RAP1GDS1: variants seen among roughly 807,000 people sequenced by gnomAD.
RAP1GDS1 encodes the protein Rap1 GTPase-GDP dissociation stimulator 1.
RAP1GDS1 carries 35 observed loss-of-function variants against 71.1 expected under a neutral mutation model. The observed-to-expected ratio is 0.49, with a 90% confidence interval of 0.38 to 0.65. The LOEUF (loss-of-function observed/expected upper bound fraction) is 0.65, where lower values mean the gene tolerates loss of function less well. Among genes scored for constraint, RAP1GDS1 ranks in the 30% least tolerant of loss-of-function variants. RAP1GDS1 has a pLI of 0.00. For missense variants in RAP1GDS1, 663 were observed against 706.1 expected, an observed-to-expected ratio of 0.94 and a Z score of 0.69; for synonymous variants, 229 against 243.1, an observed-to-expected ratio of 0.94 and a Z score of 0.54.
Position 98,363,988 on chromosome 4 carries a change from T to C in RAP1GDS1, c.361+11387T>C, listed in dbSNP as rs182467461. 1.9e-3 allele frequency among the ~76,000 whole-genome samples: 293 copies of C among 152,232 alleles called. 1 individual carries two copies. The highest frequency in any genetic ancestry group is 3.2e-3 in the Non-Finnish European group (215 of 68,014). ...GACAGAAGATGGGGCAATTTGCCGA[T>C]GTAGGAAAGAACAGAGGTTGTTTTT... On this transcript the variant is annotated intron_variant, in intron 4 of 14. Coordinates refer to ENST00000408927, the MANE Select transcript of RAP1GDS1 (RefSeq NM_001100427.2).
At chr4:98,429,182 C>T (rs1311420094) in intron 12 of RAP1GDS1, among the ~76,000 whole-genome samples, 1 of 150,282 alleles carries the variant, frequency 6.7e-6, no homozygotes, top group Non-Finnish European at 1.5e-5. Flanking sequence ...GGCGTGAACC[C>T]GGGAGGTGGA....
chr4:98,282,139 G>A (rs1358693494), intron 1 of RAP1GDS1, among the ~76,000 whole-genome samples: 1 of 152,138 alleles, frequency 6.6e-6, no homozygotes, highest in Non-Finnish European at 1.5e-5. Flanking sequence ...GAGTTAGGGA[G>A]GATTCCCTCT....
chr4:98,378,608 A>T (rs978103685), intron 4 of RAP1GDS1, among the ~76,000 whole-genome samples: 2 of 151,808 alleles, frequency 1.3e-5, no homozygotes, highest in African/African-American at 2.4e-5. Flanking sequence ...CAATGACAAA[A>T]AGTTATATTT....
intron 2 of RAP1GDS1, among the ~76,000 whole-genome samples, chr4:98,302,977 C>G (rs57192422): frequency 6.6e-6 from 1 of 150,906 alleles, no homozygotes; most frequent in Admixed American, 6.6e-5. Flanking sequence ...GCCCGGGAGA[C>G]GGAGGTTGCA....
intron 5 of RAP1GDS1, among the ~76,000 whole-genome samples, chr4:98,386,319 T>G (rs999141731): frequency 1.3e-5 from 2 of 151,932 alleles, no homozygotes; most frequent in Admixed American, 6.6e-5. Context: ...ATATTTTTAC[T>G]ATCTGTTGAT....
At chr4:98,415,936 A>G (rs904945879) in intron 7 of RAP1GDS1, among the ~76,000 whole-genome samples, 10 of 152,202 alleles carry the variant, frequency 6.6e-5, no homozygotes, top group Non-Finnish European at 2.9e-5. Flanking sequence ...TAATTTTTAT[A>G]GACAGGGTCT....
At chr4:98,433,906 T>G (rs1750800110) in intron 12 of RAP1GDS1, 30 bp from the exon 13 acceptor site, 1 of 1,569,894 alleles carries the variant, frequency 6.4e-7, no homozygotes. Context: ...AAAATTAAAG[T>G]CTATAATTCT....
intron 2 of RAP1GDS1, among the ~76,000 whole-genome samples, chr4:98,319,174 G>A (rs927736865): frequency 1.3e-5 from 2 of 152,146 alleles, no homozygotes; most frequent in Non-Finnish European, 2.9e-5. Flanking sequence ...CAGAGTCTGT[G>A]TCTTGTTAGC....
At chr4:98,431,367 C>A (rs1293535200) in intron 12 of RAP1GDS1, among the ~76,000 whole-genome samples, 1 of 152,200 alleles carries the variant, frequency 6.6e-6, no homozygotes, top group East Asian at 1.9e-4. Context: ...TTGTGATCAA[C>A]ATGATACAGT....
chr4:98,293,564 G>C, intron 2 of RAP1GDS1, 49 bp downstream of exon 2: 1 of 1,388,914 alleles, frequency 7.2e-7, no homozygotes, highest in Non-Finnish European at 1.0e-6. Flanking sequence ...AATCAAATCA[G>C]TAGTCATTCA....
chr4:98,289,207 G>T (rs140116266), intron 1 of RAP1GDS1, among the ~76,000 whole-genome samples: 1 of 151,932 alleles, frequency 6.6e-6, no homozygotes, highest in Non-Finnish European at 1.5e-5. Context: ...TAACATTAAA[G>T]AATCTATATA....
At chr4:98,296,716 C>G (rs1455880500) in intron 2 of RAP1GDS1, among the ~76,000 whole-genome samples, 2 of 152,054 alleles carry the variant, frequency 1.3e-5, no homozygotes, top group African/African-American at 4.8e-5. Context: ...TATGGTTACT[C>G]TATTTTATGG....
chr4:98,415,588 T>C (rs1747829820), intron 7 of RAP1GDS1, among the ~76,000 whole-genome samples: 1 of 152,134 alleles, frequency 6.6e-6, no homozygotes, highest in Non-Finnish European at 1.5e-5. Flanking sequence ...TGGAGGCAAA[T>C]ATAAGCTCTT....
intron 4 of RAP1GDS1, among the ~76,000 whole-genome samples, chr4:98,376,976 T>G (rs1440992309): frequency 1.3e-5 from 2 of 151,974 alleles, no homozygotes; most frequent in Non-Finnish European, 2.9e-5. Flanking sequence ...ATTTATTGAA[T>G]TATGGAATTT....
intron 1 of RAP1GDS1, among the ~76,000 whole-genome samples, chr4:98,280,870 C>T (rs1724977230): frequency 2.0e-5 from 3 of 152,146 alleles, no homozygotes; most frequent in Non-Finnish European, 4.4e-5. Flanking sequence ...ATAGGGAATC[C>T]TTTCCCCATT....
chr4:98,293,644 G>A (rs1044155726), intron 2 of RAP1GDS1, 129 bp downstream of exon 2: 26 of 690,498 alleles, frequency 3.8e-5, no homozygotes, highest in Non-Finnish European at 6.4e-5. Flanking sequence ...TCATATCCCT[G>A]AATACTGAGA....
chr4:98,413,146 A>G (rs546775517), intron 7 of RAP1GDS1, among the ~76,000 whole-genome samples: 3 of 152,226 alleles, frequency 2.0e-5, no homozygotes, highest in East Asian at 3.9e-4. Flanking sequence ...TCTCAACCGC[A>G]TAAGACAGAT....
intron 12 of RAP1GDS1, among the ~76,000 whole-genome samples, chr4:98,423,507 G>C (rs374454111): frequency 2.6e-5 from 4 of 152,128 alleles, no homozygotes; most frequent in Non-Finnish European, 4.4e-5. Flanking sequence ...GCCATTATTT[G>C]AGGGTTTTTT....
intron 4 of RAP1GDS1, among the ~76,000 whole-genome samples, chr4:98,375,952 AT>A (rs138438816): frequency 0.018 from 2,638 of 150,076 alleles, 71 homozygotes; most frequent in African/African-American, 0.058. Flanking sequence ...ACTTGATAAC[AT>A]TTTTTTTTTC....
Sources: allele counts gnomAD v4.1 joint callset (sites outside exome capture counted in the v4.1 genomes callset), GRCh38; gene constraint gnomAD v4.1.1; transcripts MANE v1.5; gene names NCBI Gene and HGNC (gene_info 2026-07-23, HGNC 2026-07-21).